RAVER2: variants seen among roughly 807,000 people sequenced by gnomAD.
RAVER2 encodes the protein ribonucleoprotein, PTB binding 2.
A neutral mutation model predicts 78.1 loss-of-function variants in RAVER2; 46 were observed. The observed-to-expected ratio is 0.59, with a 90% CI of 0.46 to 0.75. The LOEUF is 0.75. Ranked by LOEUF, RAVER2 falls within the 30% of genes least tolerant of loss-of-function variation. The probability of loss-of-function intolerance (pLI) is 0.00; values close to 1 mark genes in which losing one functional copy is unlikely to be tolerated. For synonymous variants in RAVER2, 311 were observed against 313.3 expected (o/e 0.99, Z 0.08); for missense variants, 793 against 837.5 (o/e 0.95, Z 0.66).
intron 1 of RAVER2, among the ~76,000 whole-genome samples, chr1:64,747,600 C>T (rs1210308155): frequency 6.6e-6 from 1 of 151,974 alleles, no homozygotes; most frequent in Non-Finnish European, 1.5e-5. Flanking sequence ...CAACCTCTGC[C>T]TCCCAGGTCC....
At position 64,807,476 on chromosome 1, in the gene RAVER2, T is replaced by G; in HGVS notation, c.1680+2T>G. On this transcript the variant is annotated splice_donor_variant, in intron 9 of 11. Transcript: ENST00000294428. LOFTEE classifies it high-confidence loss of function. Reference sequence around the variant, plus strand: ...AAAGGCACAGAGATAAGTTCAGGGGTAAGAAAACTGTGGGTGCACACAGAT... The same window carrying G: ...AAAGGCACAGAGATAAGTTCAGGGGGAAGAAAACTGTGGGTGCACACAGAT... The G allele has an allele frequency of 6.2e-7, 1 of 1,611,876 alleles. No individual in the cohort carries two copies. Among genetic ancestry groups the G allele is most frequent in the Non-Finnish European group, 8.5e-7 (1 of 1,178,478 alleles).
At chr1:64,751,997 C>T (rs896177165) in intron 1 of RAVER2, among the ~76,000 whole-genome samples, 2 of 152,086 alleles carry the variant, frequency 1.3e-5, no homozygotes, top group Non-Finnish European at 2.9e-5. Context: ...AGTGAGAAGT[C>T]GGAAGATCAG....
At chr1:64,805,817 G>A (rs565150462) in intron 8 of RAVER2, among the ~76,000 whole-genome samples, 16 of 152,296 alleles carry the variant, frequency 1.1e-4, no homozygotes, top group African/African-American at 3.8e-4. Context: ...AGTTCTGACT[G>A]TTGAAATTGA....
chr1:64,778,713 A>G (rs1405934591), intron 3 of RAVER2, among the ~76,000 whole-genome samples: 3 of 149,116 alleles, frequency 2.0e-5, no homozygotes, highest in African/African-American at 4.9e-5. Flanking sequence ...ATATATATAT[A>G]CTATATATAA....
At chr1:64,751,842 A>G (rs1237840711) in intron 1 of RAVER2, among the ~76,000 whole-genome samples, 1 of 152,162 alleles carries the variant, frequency 6.6e-6, no homozygotes, top group African/African-American at 2.4e-5. Flanking sequence ...AGGCAAACCA[A>G]GGAATATTAA....
intron 5 of RAVER2, among the ~76,000 whole-genome samples, chr1:64,800,662 T>C (rs1232416567): frequency 6.6e-6 from 1 of 152,208 alleles, no homozygotes; most frequent in Non-Finnish European, 1.5e-5. Context: ...AAAATGCCTT[T>C]TTCCTCATTG....
intron 5 of RAVER2, among the ~76,000 whole-genome samples, chr1:64,802,445 GA>G (rs1391110657): frequency 1.3e-5 from 2 of 152,100 alleles, no homozygotes; most frequent in Non-Finnish European, 2.9e-5. Context: ...TAGACTCTTA[GA>G]CGCGATTATG....
intron 2 of RAVER2, 51 bp downstream of exon 2, chr1:64,768,773 C>A: frequency 2.6e-6 from 3 of 1,149,092 alleles, no homozygotes; most frequent in South Asian, 1.4e-5. Context: ...TCCCTGTACT[C>A]GTTATAGAAC....
Position 64,807,113 on chromosome 1 carries a change from C to T in RAVER2, c.1412-93C>T. 4 of 1,407,936 alleles carry T rather than the reference C, an allele frequency of 2.8e-6. No homozygotes were observed. In the South Asian group the frequency reaches 6.0e-5, roughly 21 times the overall value. The allele number at this position is 1,407,936 out of a possible 1,614,324, so 87.2% of individuals were successfully genotyped here. A position where few individuals can be genotyped will look rare whatever the true frequency, so the allele number is the denominator to read the frequency against. ...TCTAACAGGTACAAAATTGGTTTCT[C>T]TGCATTTTGCTCATAACTTAACAAA... is the stretch of plus-strand genomic sequence containing the variant. On this transcript the variant is annotated intron_variant, in intron 8 of 11. Coordinates refer to ENST00000294428, the Ensembl canonical transcript of RAVER2.
chr1:64,815,929 T>C (rs1445423222), intron 11 of RAVER2: 1 of 152,214 alleles, frequency 6.6e-6, no homozygotes, highest in African/African-American at 2.4e-5. Context: ...CATTCTCTTA[T>C]ATTGATTCAT....
At chr1:64,749,032 G>A (rs952055942) in intron 1 of RAVER2, among the ~76,000 whole-genome samples, 4 of 151,140 alleles carry the variant, frequency 2.6e-5, no homozygotes, top group African/African-American at 4.9e-5. Flanking sequence ...TAGAGACATC[G>A]TATCTCTATG....
chr1:64,830,233 G>A (rs12141878), intron 11 of RAVER2, among the ~76,000 whole-genome samples: 5,126 of 152,168 alleles, frequency 0.034, 123 homozygotes, highest in Non-Finnish European at 0.049. Flanking sequence ...GTGAGGACAT[G>A]TGGCCCACTT....
chr1:64,829,972 C>A (rs981252885), intron 11 of RAVER2, among the ~76,000 whole-genome samples: 1 of 152,120 alleles, frequency 6.6e-6, no homozygotes, highest in African/African-American at 2.4e-5. Context: ...CTGAGGCTGG[C>A]TGCACTTTTA....
chr1:64,786,915 T>C (rs1201005465), intron 4 of RAVER2, among the ~76,000 whole-genome samples: 2 of 152,250 alleles, frequency 1.3e-5, no homozygotes. Flanking sequence ...TTTCTTTATC[T>C]ATAGAATGGA....
chr1:64,789,730 A>C (rs1652884384), intron 5 of RAVER2, among the ~76,000 whole-genome samples: 2 of 152,148 alleles, frequency 1.3e-5, no homozygotes, highest in Admixed American at 1.3e-4. Context: ...CTTATGTGGT[A>C]TTTTTTACTA....
intron 3 of RAVER2, among the ~76,000 whole-genome samples, chr1:64,780,101 C>T (rs1366502564): frequency 1.3e-5 from 2 of 151,960 alleles, no homozygotes; most frequent in African/African-American, 4.8e-5. Flanking sequence ...TTTAAGTTTT[C>T]AAAAGATTAA....
intron 1 of RAVER2, among the ~76,000 whole-genome samples, chr1:64,748,273 C>T (rs1193480227): frequency 5.3e-5 from 8 of 152,222 alleles, no homozygotes; most frequent in Admixed American, 5.2e-4. Flanking sequence ...TCTTTGTTTT[C>T]ACAGCCTCAG....
At chr1:64,792,496 A>G (rs1652971779) in intron 5 of RAVER2, among the ~76,000 whole-genome samples, 1 of 152,172 alleles carries the variant, frequency 6.6e-6, no homozygotes, top group African/African-American at 2.4e-5. Flanking sequence ...ATTCATCTCA[A>G]GTATTATTTT....
At chr1:64,807,886 AGTT>A (rs1171092508) in intron 9 of RAVER2, among the ~76,000 whole-genome samples, 1 of 152,202 alleles carries the variant, frequency 6.6e-6, no homozygotes, top group African/African-American at 2.4e-5. Flanking sequence ...GATATAAACT[AGTT>A]TAAGTTCAGA....
Sources: gnomAD v4.1 joint callset for allele counts (sites outside exome capture counted in the v4.1 genomes callset) on GRCh38, gnomAD v4.1.1 for gene constraint, MANE v1.5 for transcripts, NCBI Gene and HGNC (gene_info 2026-07-23, HGNC 2026-07-21) for gene names.